DKK2: variants seen among roughly 807,000 people sequenced by gnomAD.
The protein encoded by DKK2 is dickkopf Wnt signaling pathway inhibitor 2, also known as dickkopf-related protein 2.
DKK2 carries 11 observed loss-of-function variants against 28.1 expected under a neutral mutation model. That is an observed-to-expected ratio of 0.39 (90% CI 0.25 to 0.65). The LOEUF is 0.65. Ranked by LOEUF, DKK2 falls within the 30% of genes least tolerant of loss-of-function variation. DKK2 has a pLI of 0.47. For synonymous variants in DKK2, 135 were observed against 126.5 expected (o/e 1.07, Z -0.45); for missense variants, 326 against 335.5 (o/e 0.97, Z 0.22).
At chr4:106,936,760 C>T (rs1383549922) in intron 1 of DKK2, among the ~76,000 whole-genome samples, 11 of 152,074 alleles carry the variant, frequency 7.2e-5, no homozygotes, top group African/African-American at 2.4e-5. Flanking sequence ...AGACTAACAG[C>T]GGATCTCTCA....
In DKK2 at chr4:107,019,486, T is replaced by A. The variant is rs139104058; in HGVS notation, c.222+15884A>T. On this transcript the variant is annotated intron_variant, in intron 1 of 3. Coordinates refer to ENST00000285311, the MANE Select transcript of DKK2 (RefSeq NM_014421.3). ...GAAGGTTAAGTGAGGCAACATAAAATTCCTGGTATAAAGTAAGTGCTCCAC... is the reference window on the plus strand; with the variant it reads ...GAAGGTTAAGTGAGGCAACATAAAAATCCTGGTATAAAGTAAGTGCTCCAC... Among the ~76,000 whole-genome samples the A allele has an allele frequency of 1.1e-3, 170 of 152,116 alleles. 1 individual carries two copies. Among genetic ancestry groups the A allele is most frequent in the African/African-American group, 3.9e-3 (161 of 41,526 alleles).
At chr4:107,008,348 G>T (rs1051760071) in intron 1 of DKK2, among the ~76,000 whole-genome samples, 2 of 152,020 alleles carry the variant, frequency 1.3e-5, no homozygotes, top group African/African-American at 4.8e-5. Flanking sequence ...CAGTAATACT[G>T]ACCAAAAATA....
intron 1 of DKK2, among the ~76,000 whole-genome samples, chr4:106,964,407 G>C (rs867338892): frequency 2.6e-5 from 4 of 152,194 alleles, no homozygotes; most frequent in Middle Eastern, 6.8e-3. Context: ...GTACAAAAAT[G>C]ATGTTTAGAC....
chr4:106,994,185 C>T (rs1174157280), intron 1 of DKK2, among the ~76,000 whole-genome samples: 1 of 152,162 alleles, frequency 6.6e-6, no homozygotes, highest in Non-Finnish European at 1.5e-5. Context: ...CCAAGTAAGG[C>T]GATTTAGCTT....
intron 1 of DKK2, among the ~76,000 whole-genome samples, chr4:107,012,826 A>C (rs929458864): frequency 1.3e-5 from 2 of 150,930 alleles, no homozygotes; most frequent in African/African-American, 2.4e-5. Flanking sequence ...CTCTCCCTTG[A>C]CTCCTATCTG....
chr4:106,977,847 C>G, intron 1 of DKK2, among the ~76,000 whole-genome samples: 1 of 152,130 alleles, frequency 6.6e-6, no homozygotes, highest in East Asian at 1.9e-4. Flanking sequence ...TGCCTTTTTG[C>G]GCTGGGTTTT....
chr4:106,946,104 A>G (rs1451036936), intron 1 of DKK2, among the ~76,000 whole-genome samples: 1 of 152,094 alleles, frequency 6.6e-6, no homozygotes, highest in Non-Finnish European at 1.5e-5. Context: ...CACTTTATCT[A>G]TGTGTCATTT....
intron 1 of DKK2, among the ~76,000 whole-genome samples, chr4:106,947,041 A>T (rs898811433): frequency 6.6e-6 from 1 of 151,970 alleles, no homozygotes; most frequent in African/African-American, 2.4e-5. Context: ...GCAGAACCAA[A>T]CCATTGCTTT....
intron 1 of DKK2, among the ~76,000 whole-genome samples, chr4:107,003,477 G>A (rs1723392490): frequency 6.6e-6 from 1 of 152,226 alleles, no homozygotes; most frequent in African/African-American, 2.4e-5. Flanking sequence ...GAAGAGGTCT[G>A]GAGAGCCCAC....
chr4:107,015,630 C>CT (rs1171910371), intron 1 of DKK2, among the ~76,000 whole-genome samples: 1 of 151,698 alleles, frequency 6.6e-6, no homozygotes, highest in Non-Finnish European at 1.5e-5. Flanking sequence ...TCAAATACCA[C>CT]TTTTTCCCAC....
intron 1 of DKK2, among the ~76,000 whole-genome samples, chr4:106,976,551 A>G (rs1009725513): frequency 2.6e-4 from 40 of 152,162 alleles, no homozygotes; most frequent in African/African-American, 7.5e-4. Flanking sequence ...ATCAGAGACT[A>G]GGATTGCAAC....
chr4:107,035,707 T>C lies in DKK2; in HGVS notation c.-116A>G, dbSNP rs575707065. On this transcript the variant is annotated 5_prime_UTR_variant, in exon 1 of 4. Coordinates refer to ENST00000285311, the MANE Select transcript of DKK2 (RefSeq NM_014421.3). ...GGGTCGCGGGGGCTTGCAGATTGTGTTCCCTCAACCCTTCCTGGTTCGGGG... is the reference window on the plus strand; with the variant it reads ...GGGTCGCGGGGGCTTGCAGATTGTGCTCCCTCAACCCTTCCTGGTTCGGGG... The C allele has an allele frequency of 8.8e-6, 9 of 1,027,430 alleles. No individual in the cohort carries two copies. The East Asian group carries it at 2.3e-4, about 26-fold the overall frequency. 63.6% of individuals were successfully genotyped at this position (1,027,430 alleles called of 1,614,324 possible).
chr4:106,946,464 G>T (rs1290885685), intron 1 of DKK2, among the ~76,000 whole-genome samples: 4 of 151,940 alleles, frequency 2.6e-5, no homozygotes, highest in Non-Finnish European at 5.9e-5. Context: ...GCACATAGGG[G>T]TTCACTCATA....
intron 1 of DKK2, among the ~76,000 whole-genome samples, chr4:106,950,086 A>G (rs558853909): frequency 6.6e-6 from 1 of 152,328 alleles, no homozygotes; most frequent in South Asian, 2.1e-4. Flanking sequence ...TGGAATGTCA[A>G]GAAGGTCTCA....
chr4:106,946,962 A>C (rs950294375), intron 1 of DKK2, among the ~76,000 whole-genome samples: 1 of 152,138 alleles, frequency 6.6e-6, no homozygotes, highest in African/African-American at 2.4e-5. Context: ...CTACTAATGT[A>C]GGCATTTTAG....
intron 1 of DKK2, among the ~76,000 whole-genome samples, chr4:107,006,963 C>T (rs1231441191): frequency 6.6e-6 from 1 of 150,564 alleles, no homozygotes; most frequent in Non-Finnish European, 1.5e-5. Flanking sequence ...TGTCGAACAT[C>T]GATAGACTCA....
At chr4:106,989,164 G>T (rs1723168377) in intron 1 of DKK2, among the ~76,000 whole-genome samples, 1 of 152,186 alleles carries the variant, frequency 6.6e-6, no homozygotes, top group Admixed American at 6.5e-5. Context: ...TGAGGAAGAA[G>T]CCATGCTAAA....
chr4:106,999,535 CAG>C (rs1723326879), intron 1 of DKK2, among the ~76,000 whole-genome samples: 1 of 151,948 alleles, frequency 6.6e-6, no homozygotes, highest in Non-Finnish European at 1.5e-5. Flanking sequence ...TTAGTAGAAA[CAG>C]GGTTTCACCA....
chr4:106,988,666 G>A (rs992857909), intron 1 of DKK2, among the ~76,000 whole-genome samples: 2 of 152,128 alleles, frequency 1.3e-5, no homozygotes, highest in Non-Finnish European at 2.9e-5. Context: ...AGTGCAATGA[G>A]TGCTAACATG....
Sources: allele counts gnomAD v4.1 joint callset (sites outside exome capture counted in the v4.1 genomes callset), GRCh38; gene constraint gnomAD v4.1.1; transcripts MANE v1.5; gene names NCBI Gene and HGNC (gene_info 2026-07-23, HGNC 2026-07-21).